MARCHF3: variants seen among roughly 807,000 people sequenced by gnomAD.
The protein encoded by MARCHF3 is E3 ubiquitin-protein ligase MARCHF3.
Under a neutral mutation model 24.2 loss-of-function variants are expected in MARCHF3, and 13 were observed. The observed-to-expected ratio is 0.54, with a 90% CI of 0.35 to 0.85. The LOEUF is 0.85. Among genes scored for constraint, MARCHF3 ranks in the 40% least tolerant of loss-of-function variants. The probability of loss-of-function intolerance (pLI) is 0.01; values close to 1 mark genes in which losing one functional copy is unlikely to be tolerated. For missense variants in MARCHF3, 276 were observed against 325.0 expected (o/e 0.85, Z 1.16); for synonymous variants, 144 against 137.3 (o/e 1.05, Z -0.34).
chr5:126,916,241 G>A (rs1754725910), intron 2 of MARCHF3, among the ~76,000 whole-genome samples: 1 of 152,170 alleles, frequency 6.6e-6, no homozygotes, highest in Non-Finnish European at 1.5e-5. Context: ...TGTTGCTTGT[G>A]CTATTCTTCA....
intron 1 of MARCHF3, among the ~76,000 whole-genome samples, chr5:126,960,757 A>G (rs937446192): frequency 6.6e-6 from 1 of 152,134 alleles, no homozygotes; most frequent in Admixed American, 6.5e-5. Context: ...TTTATGCATT[A>G]AAAAAGAGAG....
intron 3 of MARCHF3, among the ~76,000 whole-genome samples, chr5:126,906,883 A>T (rs1024252488): frequency 5.9e-5 from 9 of 151,848 alleles, no homozygotes; most frequent in East Asian, 5.8e-4. Context: ...TTGCTCTTGC[A>T]TTTCTAGTTC....
At chr5:126,981,693 T>C (rs1167993258) in intron 1 of MARCHF3, among the ~76,000 whole-genome samples, 1 of 152,228 alleles carries the variant, frequency 6.6e-6, no homozygotes, top group Non-Finnish European at 1.5e-5. Flanking sequence ...TCCCTCTCAC[T>C]ATACCAGCAA....
At chr5:126,871,131 G>A (rs1475503661) in intron 4 of MARCHF3, among the ~76,000 whole-genome samples, 6 of 152,146 alleles carry the variant, frequency 3.9e-5, no homozygotes, top group South Asian at 4.2e-4. Flanking sequence ...GCCAGCCCTC[G>A]CCCAGCTGTG....
intron 2 of MARCHF3, among the ~76,000 whole-genome samples, chr5:126,916,006 C>T (rs1051374756): frequency 4.6e-5 from 7 of 152,170 alleles, no homozygotes; most frequent in African/African-American, 1.7e-4. Context: ...TGACAGTGAG[C>T]ATGTGAAAAG....
chr5:126,966,750 A>G (rs1750824353), intron 1 of MARCHF3, among the ~76,000 whole-genome samples: 1 of 151,930 alleles, frequency 6.6e-6, no homozygotes, highest in South Asian at 2.1e-4. Context: ...AGGAATATCA[A>G]AAGTTGTGCT....
intron 3 of MARCHF3, among the ~76,000 whole-genome samples, chr5:126,895,175 A>C (rs1401479899): frequency 2.6e-5 from 4 of 151,956 alleles, no homozygotes; most frequent in Admixed American, 1.3e-4. Flanking sequence ...TCCTTTAAGC[A>C]CTTCTCTGTA....
intron 1 of MARCHF3, among the ~76,000 whole-genome samples, chr5:126,921,964 G>A (rs563262362): frequency 3.7e-4 from 56 of 152,246 alleles, no homozygotes; most frequent in Non-Finnish European, 6.6e-4. Context: ...AGGCTTGTCT[G>A]TTAAACTGTG....
Position 126,874,266 on chromosome 5 carries a change from T to A in MARCHF3, c.604-3475A>T, listed in dbSNP as rs1753071336. On this transcript the variant is annotated intron_variant, in intron 4 of 4. Coordinates refer to ENST00000308660, the MANE Select transcript of MARCHF3 (RefSeq NM_178450.5). ...CCACTCTTCCCATTAGGGAGGTGAC[T>A]GCGGCTGGGGCAAAGGTGTGCTATA... 2.0e-5 allele frequency among the ~76,000 whole-genome samples: 3 copies of A among 152,158 alleles called. No homozygotes were observed. In the South Asian group the frequency reaches 6.2e-4, roughly 32 times the overall value.
At chr5:127,012,551 T>A (rs1752505360) in intron 1 of MARCHF3, among the ~76,000 whole-genome samples, 1 of 152,036 alleles carries the variant, frequency 6.6e-6, no homozygotes, top group Non-Finnish European at 1.5e-5. Flanking sequence ...TTATTAATAA[T>A]GATAAAAAGA....
intron 1 of MARCHF3, among the ~76,000 whole-genome samples, chr5:126,975,152 T>G (rs2126832177): frequency 6.6e-6 from 1 of 152,334 alleles, no homozygotes; most frequent in East Asian, 1.9e-4. Flanking sequence ...AGACAGGGTT[T>G]CACCATGTTG....
intron 1 of MARCHF3, among the ~76,000 whole-genome samples, chr5:126,958,910 G>C (rs1468293167): frequency 1.3e-5 from 2 of 152,140 alleles, no homozygotes; most frequent in African/African-American, 4.8e-5. Context: ...AATAAGTGAA[G>C]TATTATATTA....
In MARCHF3 at chr5:126,904,276, G is replaced by A. The variant is rs1287698744; in HGVS notation, c.393+10654C>T. On this transcript the variant is annotated intron_variant, in intron 3 of 4. Transcript: ENST00000308660. ...GTGAATAATGCCGCAATAAACATACGTGGGCATGTGTCTTTATAGCAGCAT... is the reference window on the plus strand; with the variant it reads ...GTGAATAATGCCGCAATAAACATACATGGGCATGTGTCTTTATAGCAGCAT... Among the ~76,000 whole-genome samples the A allele has an allele frequency of 6.5e-4, 98 of 150,248 alleles. No individual in the cohort carries two copies. In the South Asian group the frequency reaches 9.6e-3, roughly 15 times the overall value.
At chr5:127,002,429 T>C (rs139179198) in intron 1 of MARCHF3, among the ~76,000 whole-genome samples, 170 of 152,318 alleles carry the variant, frequency 1.1e-3, no homozygotes, top group African/African-American at 3.9e-3. Context: ...GACTCTTTCA[T>C]TGAAAAAAAC....
At position 126,893,159 on chromosome 5, in the gene MARCHF3, A is replaced by T. The variant is rs188663277; in HGVS notation, c.394-14765T>A. ...TATCCCCTTTATCATTTTTTATTGC[A>T]TCTATTCGATTCTTCTCTCTTTTTT... On this transcript the variant is annotated intron_variant, in intron 3 of 4. Transcript: ENST00000308660. 1.1e-3 allele frequency among the ~76,000 whole-genome samples: 166 copies of T among 151,762 alleles called. 4 individuals carry two copies. The highest frequency in any genetic ancestry group is 3.8e-3 in the African/African-American group (157 of 41,286).
intron 4 of MARCHF3, among the ~76,000 whole-genome samples, chr5:126,875,311 C>T (rs1490071450): frequency 1.3e-5 from 2 of 152,146 alleles, no homozygotes; most frequent in Non-Finnish European, 2.9e-5. Flanking sequence ...GAGGGTGTGT[C>T]AAGGCTGGAC....
At chr5:126,926,776 C>T (rs927881059) in intron 1 of MARCHF3, among the ~76,000 whole-genome samples, 5 of 151,850 alleles carry the variant, frequency 3.3e-5, no homozygotes, top group Non-Finnish European at 5.9e-5. Context: ...AGTTTCCCCC[C>T]GAGACTGAGG....
intron 1 of MARCHF3, among the ~76,000 whole-genome samples, chr5:126,997,903 T>C (rs191261622): frequency 2.0e-5 from 3 of 152,338 alleles, no homozygotes; most frequent in Admixed American, 6.5e-5. Flanking sequence ...AGAATGACTA[T>C]ATTAAGCCTA....
intron 3 of MARCHF3, among the ~76,000 whole-genome samples, chr5:126,904,720 T>A (rs1253048705): frequency 6.6e-6 from 1 of 151,134 alleles, no homozygotes; most frequent in African/African-American, 2.4e-5. Context: ...ATTAGCCCTT[T>A]GTCAGATGAG....
Sources: gnomAD v4.1 joint callset for allele counts (sites outside exome capture counted in the v4.1 genomes callset) on GRCh38, gnomAD v4.1.1 for gene constraint, MANE v1.5 for transcripts, NCBI Gene and HGNC (gene_info 2026-07-23, HGNC 2026-07-21) for gene names.